Variants in RBAK observed in about 807,000 individuals in gnomAD.
RBAK encodes RB associated KRAB zinc finger, also known as RB-associated KRAB zinc finger protein.
RBAK carries 39 observed loss-of-function variants against 65.8 expected under a neutral mutation model. The observed-to-expected ratio is 0.59, with a 90% confidence interval of 0.46 to 0.77. The LOEUF (loss-of-function observed/expected upper bound fraction) is 0.77, where lower values mean the gene tolerates loss of function less well. Among genes scored for constraint, RBAK ranks in the 30% least tolerant of loss-of-function variants. The probability of loss-of-function intolerance (pLI) is 0.00; values close to 1 mark genes in which losing one functional copy is unlikely to be tolerated. For missense variants in RBAK, 884 were observed against 855.1 expected (o/e 1.03, Z -0.42); for synonymous variants, 343 against 289.7 (o/e 1.18, Z -1.87).
In RBAK at chr7:5,048,462, C is replaced by T. The variant is rs1788043547; in HGVS notation, c.15+371C>T. On this transcript the variant is annotated intron_variant, in intron 2 of 4. Coordinates refer to ENST00000396912, the MANE Select transcript of RBAK (RefSeq NM_021163.4). The surrounding 1 kb of genome is among the most constrained non-coding windows in gnomAD (Gnocchi z 4.4). Reference sequence around the variant, plus strand: ...GTGCTGGGATTACAGGCATGAGCCACCGCGCCCAGCCAGGATTCATACTTT... The same window carrying T: ...GTGCTGGGATTACAGGCATGAGCCATCGCGCCCAGCCAGGATTCATACTTT... Among the ~76,000 whole-genome samples the T allele has an allele frequency of 6.6e-6, 1 of 152,240 alleles. No homozygotes were observed. The highest frequency in any genetic ancestry group is 1.5e-5 in the Non-Finnish European group (1 of 68,050).
intron 2 of RBAK, among the ~76,000 whole-genome samples, chr7:5,054,831 C>T (rs372876540): frequency 6.6e-6 from 1 of 152,020 alleles, no homozygotes; most frequent in East Asian, 1.9e-4. Context: ...TATCTAGTTC[C>T]AGGAAAAAGC....
intron 2 of RBAK, among the ~76,000 whole-genome samples, chr7:5,049,346 G>A (rs1420685867): frequency 3.9e-5 from 6 of 152,282 alleles, no homozygotes; most frequent in African/African-American, 1.4e-4. Flanking sequence ...AGATCATGGG[G>A]GGAATGAATG....
chr7:5,060,686 G>A (rs534787120), intron 4 of RBAK, among the ~76,000 whole-genome samples: 23 of 152,348 alleles, frequency 1.5e-4, no homozygotes, highest in African/African-American at 5.3e-4. Context: ...GAATAAGCAA[G>A]GCATAGCCTA....
In RBAK at chr7:5,047,997, A is replaced by G. The variant is rs1014100799; in HGVS notation, c.-44-36A>G. ...GATTCCTGCCTTTGCAGGCCAGAGC[A>G]CTCATGACTTCAGTGACCTGCTTCT... On this transcript the variant is annotated intron_variant, in intron 1 of 4. Coordinates refer to ENST00000396912, the MANE Select transcript of RBAK (RefSeq NM_021163.4). 4.4e-6 allele frequency: 5 copies of G among 1,132,760 alleles called. No individual in the cohort carries two copies. The African/African-American group carries it at 6.3e-5, about 14-fold the overall frequency. The allele number at this position is 1,132,760 out of a possible 1,614,324, so 70.2% of individuals were successfully genotyped here. A position where few individuals can be genotyped will look rare whatever the true frequency, so the allele number is the denominator to read the frequency against.
intron 2 of RBAK, among the ~76,000 whole-genome samples, chr7:5,050,693 G>A (rs999534368): frequency 5.9e-5 from 9 of 152,030 alleles, no homozygotes; most frequent in African/African-American, 1.2e-4. Flanking sequence ...TCCCACTTCA[G>A]CCTCCCAAGT....
chr7:5,058,385 G>C (rs927326035), intron 4 of RBAK, among the ~76,000 whole-genome samples: 2 of 152,110 alleles, frequency 1.3e-5, no homozygotes, highest in Non-Finnish European at 2.9e-5. Flanking sequence ...GAATTGTTTT[G>C]TTTTGGGGCA....
Position 5,065,884 on chromosome 7 carries a change from CAG to C in RBAK, c.*284_*285del, listed in dbSNP as rs1332119965. On this transcript the variant is annotated 3_prime_UTR_variant, in exon 5 of 5. Transcript: ENST00000396912. This position sits in a 1 kb window ranked among gnomAD's most constrained non-coding sequence, Gnocchi z 5.3. ...TTGGATTCAAATTGTATTTACATAT[CAG>C]GGAATCATACAAAGGCAAAATCTGT... 3 of 214,128 alleles carry C rather than the reference CAG, an allele frequency of 1.4e-5. No homozygotes were observed. The highest frequency in any genetic ancestry group is 2.7e-5 in the Non-Finnish European group (3 of 109,944). 13.3% of individuals were successfully genotyped at this position (214,128 alleles called of 1,614,324 possible). A position where few individuals can be genotyped will look rare whatever the true frequency, so the allele number is the denominator to read the frequency against.
In RBAK at chr7:5,057,429, T is replaced by C; in HGVS notation, c.142+8T>C. The C allele has an allele frequency of 6.2e-7, 1 of 1,614,146 alleles. No individual in the cohort carries two copies. Among genetic ancestry groups the C allele is most frequent in the Non-Finnish European group, 8.5e-7 (1 of 1,180,004 alleles). ...GCCATCTAGTTTCTGTGGGTGAGAA[T>C]AGCTTGCTTTCTGAATGCTCTCAGT... On this transcript the variant is annotated splice_region_variant and intron_variant, in intron 3 of 4. Transcript: ENST00000396912.
intron 1 of RBAK, among the ~76,000 whole-genome samples, chr7:5,046,992 C>T (rs552211215): frequency 6.6e-6 from 1 of 152,278 alleles, no homozygotes; most frequent in East Asian, 1.9e-4. Flanking sequence ...TAACCAAGTT[C>T]AGTTAGATAA....
At chr7:5,052,262 C>G in intron 2 of RBAK, among the ~76,000 whole-genome samples, 1 of 152,162 alleles carries the variant, frequency 6.6e-6, no homozygotes, top group South Asian at 2.1e-4. Flanking sequence ...AGTATTATTT[C>G]TTGTAGGCAG....
chr7:5,065,529 A>G lies in RBAK; in HGVS notation c.2073A>G (p.Arg691=), dbSNP rs755335443. ...CNECGKKFHH[R]SAFNSHQRIH... is the part of the protein sequence containing the mutation. The stretch of plus-strand genomic sequence containing the variant: ...AGTGTGGGAAAAAATTCCACCACAG[A>G]TCAGCCTTCAATAGCCATCAGAGAA... Residue 691 remains arginine (R), a synonymous_variant, in exon 5 of 5, where the codon AGA becomes AGG. Transcript: ENST00000396912. The surrounding 1 kb of genome is among the most constrained non-coding windows in gnomAD (Gnocchi z 5.3). 3 of 1,601,546 alleles carry G rather than the reference A, an allele frequency of 1.9e-6. No individual in the cohort carries two copies. The highest frequency in any genetic ancestry group is 2.6e-6 in the Non-Finnish European group (3 of 1,174,724).
intron 4 of RBAK, 50 bp from the exon 5 acceptor site, chr7:5,063,645 A>T: frequency 7.1e-7 from 1 of 1,412,858 alleles, no homozygotes; most frequent in Non-Finnish European, 9.4e-7. Context: ...ACCTTTCCAT[A>T]GCTAGTGTGT....
intron 1 of RBAK, 92 bp downstream of exon 1, chr7:5,046,488 C>T: frequency 2.4e-6 from 1 of 412,456 alleles, no homozygotes; most frequent in Non-Finnish European, 4.7e-6. Flanking sequence ...GGGGGAGGGT[C>T]TCGATCGCTT....
rs548004313 is a variant in RBAK, at chr7:5,068,917, C to A, written c.*3316C>A. On this transcript the variant is annotated 3_prime_UTR_variant, in exon 5 of 5. Coordinates refer to ENST00000396912, the MANE Select transcript of RBAK (RefSeq NM_021163.4). Reference sequence around the variant, plus strand: ...CTTGCTGAATGAAAGACTCCAGACACAAAAGCCAACATGCTGTATGATTCC... The same window carrying A: ...CTTGCTGAATGAAAGACTCCAGACAAAAAAGCCAACATGCTGTATGATTCC... 2.6e-5 allele frequency: 4 copies of A among 152,182 alleles called. No individual in the cohort carries two copies. The highest frequency in any genetic ancestry group is 5.9e-5 in the Non-Finnish European group (4 of 68,032). 9.4% of individuals were successfully genotyped at this position (152,182 alleles called of 1,614,324 possible). A position where few individuals can be genotyped will look rare whatever the true frequency, so the allele number is the denominator to read the frequency against.
Position 5,064,615 on chromosome 7 carries a change from G to T in RBAK, c.1159G>T (p.Ala387Ser). The stretch of plus-strand genomic sequence containing the variant: ...TGGGAAATCCTTCTCCCGCAAGTCT[G>T]CTCTCAGTGACCATCAGAGAACTCA... ...ECGKSFSRKS[A>S]LSDHQRTHTG... Residue 387 changes from alanine to serine, a missense_variant, in exon 5 of 5, where the codon GCT (alanine) becomes TCT (serine). Ala to Ser is a moderately conservative substitution (Grantham distance 99). Coordinates refer to ENST00000396912, the MANE Select transcript of RBAK (RefSeq NM_021163.4). This position sits in a 1 kb window ranked among gnomAD's most constrained non-coding sequence, Gnocchi z 6.3. The T allele has an allele frequency of 1.2e-6, 2 of 1,613,640 alleles. No individual in the cohort carries two copies. The highest frequency in any genetic ancestry group is 1.1e-5 in the South Asian group (1 of 91,028).
rs767247551 is a variant in RBAK at position 5,064,094 on chromosome 7, C to T, written c.638C>T (p.Ala213Val). The stretch of plus-strand genomic sequence containing the variant: ...TTTGAATATAATGAATGCATGGAAG[C>T]CTTAGACAATGAGGCTGTTTTTATT... ...KPFEYNECMEALDNEAVFIAH... is the reference protein window; with the variant it reads ...KPFEYNECMEVLDNEAVFIAH... Residue 213 changes from alanine to valine, a missense_variant, in exon 5 of 5, where the codon GCC (alanine) becomes GTC (valine). Ala to Val is a moderately conservative substitution (Grantham distance 64, BLOSUM62 0). Transcript: ENST00000396912. This position sits in a 1 kb window ranked among gnomAD's most constrained non-coding sequence, Gnocchi z 6.3. 3.7e-6 allele frequency: 6 copies of T among 1,613,848 alleles called. No homozygotes were observed. The South Asian group carries it at 6.6e-5, about 18-fold the overall frequency.
In RBAK at chr7:5,064,865, C is replaced by T. The variant is rs1779177149; in HGVS notation, c.1409C>T (p.Ser470Leu). Residue 470 changes from serine to leucine, a missense_variant, in exon 5 of 5, where the codon TCA (serine) becomes TTA (leucine). Transcript: ENST00000396912. The surrounding 1 kb of genome is among the most constrained non-coding windows in gnomAD (Gnocchi z 6.3). ...NECGKTFNLN[S>L]AFIRHRKVHT... ...TGTGGCAAAACCTTCAATTTAAATT[C>T]AGCCTTCATTAGACATCGGAAAGTA... The T allele has an allele frequency of 1.2e-6, 2 of 1,613,952 alleles. No homozygotes were observed. The highest frequency in any genetic ancestry group is 1.7e-6 in the Non-Finnish European group (2 of 1,179,848).
rs754220431 is a variant in RBAK, at chr7:5,065,419, G to C, written c.1963G>C (p.Glu655Gln). 14 of 1,613,832 alleles carry C rather than the reference G, an allele frequency of 8.7e-6. No homozygotes were observed. Among genetic ancestry groups the C allele is most frequent in the Admixed American group, 6.7e-5 (4 of 59,990 alleles). The change falls in exon 5 of 5, where the codon GAA becomes CAA. Residue 655 changes from glutamate to glutamine, a missense_variant. Glu to Gln is a conservative substitution (Grantham distance 29). Coordinates refer to ENST00000396912, the MANE Select transcript of RBAK (RefSeq NM_021163.4). This position sits in a 1 kb window ranked among gnomAD's most constrained non-coding sequence, Gnocchi z 5.3. ...HSGEKPYECNECGKVFSQKSY... is the reference protein window; with the variant it reads ...HSGEKPYECNQCGKVFSQKSY... ...AGGAGAGAAACCCTATGAATGTAAT[G>C]AATGTGGGAAAGTCTTTTCTCAGAA...
At chr7:5,050,036 T>G (rs1210013577) in intron 2 of RBAK, among the ~76,000 whole-genome samples, 1 of 152,124 alleles carries the variant, frequency 6.6e-6, no homozygotes, top group Admixed American at 6.5e-5. Flanking sequence ...GTATTCCCAC[T>G]GTATTGCTCA....
Sources: allele counts gnomAD v4.1 joint callset (sites outside exome capture counted in the v4.1 genomes callset), GRCh38; gene constraint gnomAD v4.1.1; non-coding constraint Gnocchi (gnomAD v3.1); transcripts MANE v1.5; gene names NCBI Gene and HGNC (gene_info 2026-07-23, HGNC 2026-07-21).